The following XKR7 variants were observed in gnomAD, a reference collection of about 807,000 sequenced individuals.
XKR7 encodes the protein XK related 7.
A neutral mutation model predicts 42.2 loss-of-function variants in XKR7; 11 were observed. The ratio of observed to expected loss-of-function variants is 0.26; its 90% CI spans 0.16 to 0.43. XKR7 has a LOEUF of 0.43. XKR7 is among the 20% of genes least tolerant of loss of function. The pLI is 1.00. For synonymous variants in XKR7, 346 were observed against 366.4 expected (o/e 0.94, Z 0.64); for missense variants, 710 against 802.2 (o/e 0.89, Z 1.39).
At position 31,970,985 on chromosome 20, in the gene XKR7, T is replaced by C. The variant is rs868573778; in HGVS notation, c.584+2226T>C. Among the ~76,000 whole-genome samples, 8 of 152,344 alleles carry C rather than the reference T, an allele frequency of 5.3e-5. No individual in the cohort carries two copies. The South Asian group carries it at 6.2e-4, about 12-fold the overall frequency. The stretch of plus-strand genomic sequence containing the variant: ...TCACACAGCTAGGAACTTGAAGAGC[T>C]GAGACTCCAGGCTCTCTGCCTTTAA... On this transcript the variant is annotated intron_variant, in intron 1 of 2. Transcript: ENST00000562532.
At chr20:31,978,607 A>G (rs2064496420) in intron 1 of XKR7, among the ~76,000 whole-genome samples, 1 of 152,230 alleles carries the variant, frequency 6.6e-6, no homozygotes, top group African/African-American at 2.4e-5. Flanking sequence ...ACTATCCAAT[A>G]TAGTAGCCAC....
chr20:31,983,705 G>A (rs1322907897), intron 1 of XKR7, among the ~76,000 whole-genome samples: 1 of 152,192 alleles, frequency 6.6e-6, no homozygotes, highest in African/African-American at 2.4e-5. Flanking sequence ...CTAGCAGTTT[G>A]GGAGGCCGAG....
rs1230359057 is a variant in XKR7 at position 31,998,776 on chromosome 20, C to T, written c.*1319C>T. On this transcript the variant is annotated 3_prime_UTR_variant, in exon 3 of 3. Transcript: ENST00000562532. Reference sequence around the variant, plus strand: ...CGTGACATGAATCCTGGCTCTCAGCCACTCTGCAAATGGGGCTCCCTGGAG... The same window carrying T: ...CGTGACATGAATCCTGGCTCTCAGCTACTCTGCAAATGGGGCTCCCTGGAG... 2 of 152,198 alleles carry T rather than the reference C, an allele frequency of 1.3e-5. No individual in the cohort carries two copies. The highest frequency in any genetic ancestry group is 3.8e-4 in the East Asian group (2 of 5,198). The allele number at this position is 152,198 out of a possible 1,614,324, so 9.4% of individuals were successfully genotyped here. A position where few individuals can be genotyped will look rare whatever the true frequency, so the allele number is the denominator to read the frequency against.
At chr20:31,991,902 A>C (rs1236825077) in intron 1 of XKR7, among the ~76,000 whole-genome samples, 1 of 152,030 alleles carries the variant, frequency 6.6e-6, no homozygotes, top group African/African-American at 2.4e-5. Context: ...TGGATCACCT[A>C]AGGTCAGGAG....
In XKR7 at chr20:31,968,583, A is replaced by C. The variant is rs1264166306; in HGVS notation, c.408A>C (p.Gly136=). The part of the protein sequence containing the change: ...AVSTKDSVAG[G]AAISTKDSAG... ...GCACCAAGGACAGCGTAGCCGGCGG[A>C]GCCGCCATCAGCACCAAGGACAGCG... Residue 136 remains glycine, a synonymous_variant, in exon 1 of 3, where the codon GGA becomes GGC. Coordinates refer to ENST00000562532, the MANE Select transcript of XKR7 (RefSeq NM_001011718.2). The surrounding 1 kb of genome is among the most constrained non-coding windows in gnomAD (Gnocchi z 4.5). 1 of 1,609,024 alleles carries C rather than the reference A, an allele frequency of 6.2e-7. No homozygotes were observed. Among genetic ancestry groups the C allele is most frequent in the Non-Finnish European group, 8.5e-7 (1 of 1,178,938 alleles).
Position 31,999,511 on chromosome 20 carries a change from G to A in XKR7, c.*2054G>A, listed in dbSNP as rs1380572547. 1.3e-5 allele frequency: 2 copies of A among 152,172 alleles called. No individual in the cohort carries two copies. The highest frequency in any genetic ancestry group is 2.9e-5 in the Non-Finnish European group (2 of 68,040). The allele number at this position is 152,172 out of a possible 1,614,324, so 9.4% of individuals were successfully genotyped here. A position where few individuals can be genotyped will look rare whatever the true frequency, so the allele number is the denominator to read the frequency against. ...CAGGAACGAGGCCTCGAGGGTGACG[G>A]GAGGTGGGAGAAGCCCAAGGCTGAC... On this transcript the variant is annotated 3_prime_UTR_variant, in exon 3 of 3. Transcript: ENST00000562532.
intron 1 of XKR7, among the ~76,000 whole-genome samples, chr20:31,982,350 G>C (rs2122262067): frequency 6.6e-6 from 1 of 152,110 alleles, no homozygotes; most frequent in East Asian, 1.9e-4. Flanking sequence ...GCGAAACCCT[G>C]TCTCTACTAA....
At chr20:31,982,783 A>G (rs1478203855) in intron 1 of XKR7, among the ~76,000 whole-genome samples, 1 of 152,208 alleles carries the variant, frequency 6.6e-6, no homozygotes, top group Non-Finnish European at 1.5e-5. Flanking sequence ...GGACAGGTTC[A>G]ACGAGCACCA....
chr20:31,972,400 G>T (rs1487907088), intron 1 of XKR7, among the ~76,000 whole-genome samples: 1 of 152,224 alleles, frequency 6.6e-6, no homozygotes, highest in Non-Finnish European at 1.5e-5. Context: ...TGCACAGAGA[G>T]ATTGAACTCT....
In XKR7 at chr20:31,968,646, G is replaced by C. The variant is rs751559546; in HGVS notation, c.471G>C (p.Pro157=). Residue 157 remains proline, a synonymous_variant, in exon 1 of 3, where the codon CCG becomes CCC. Coordinates refer to ENST00000562532, the MANE Select transcript of XKR7 (RefSeq NM_001011718.2). The surrounding 1 kb of genome is among the most constrained non-coding windows in gnomAD (Gnocchi z 4.5). ...AFRTKEGSPE[P]GPQPAPSSAS... is the part of the protein sequence containing the mutation. Reference sequence around the variant, plus strand: ...GGACCAAAGAAGGCAGCCCCGAGCCGGGTCCCCAGCCTGCGCCCTCCTCGG... The same window carrying C: ...GGACCAAAGAAGGCAGCCCCGAGCCCGGTCCCCAGCCTGCGCCCTCCTCGG... The C allele has an allele frequency of 4.4e-6, 7 of 1,585,096 alleles. No individual in the cohort carries two copies. The highest frequency in any genetic ancestry group is 5.1e-6 in the Non-Finnish European group (6 of 1,172,484).
intron 1 of XKR7, among the ~76,000 whole-genome samples, chr20:31,983,335 T>C (rs1187741320): frequency 2.6e-5 from 4 of 152,062 alleles, no homozygotes; most frequent in Non-Finnish European, 4.4e-5. Context: ...GTGTGTTACT[T>C]AAAAAAACAG....
rs2064612411 is a variant in XKR7 at position 31,999,197 on chromosome 20, C to T, written c.*1740C>T. 1 of 152,118 alleles carries T rather than the reference C, an allele frequency of 6.6e-6. No homozygotes were observed. The highest frequency in any genetic ancestry group is 2.1e-4 in the South Asian group (1 of 4,814). The allele number at this position is 152,118 out of a possible 1,614,324, so 9.4% of individuals were successfully genotyped here. A position where few individuals can be genotyped will look rare whatever the true frequency, so the allele number is the denominator to read the frequency against. Reference sequence around the variant, plus strand: ...GGATGCTTAGCCCTCCCTGGTTCAGCCTCTCTTGGGTTACAGATGGGAAAC... The same window carrying T: ...GGATGCTTAGCCCTCCCTGGTTCAGTCTCTCTTGGGTTACAGATGGGAAAC... On this transcript the variant is annotated 3_prime_UTR_variant, in exon 3 of 3. Transcript: ENST00000562532.
chr20:31,989,429 G>T (rs76589353), intron 1 of XKR7, among the ~76,000 whole-genome samples: 3 of 152,310 alleles, frequency 2.0e-5, no homozygotes, highest in South Asian at 4.1e-4. Context: ...CCCTTGGAAG[G>T]CTTTGAGAAG....
chr20:31,986,992 T>A (rs2064544776), intron 1 of XKR7, among the ~76,000 whole-genome samples: 1 of 117,860 alleles, frequency 8.5e-6, no homozygotes, highest in Non-Finnish European at 1.7e-5. Context: ...GCTAAACAGA[T>A]CCAGTATCCA....
chr20:31,983,016 G>A (rs1310777934), intron 1 of XKR7, among the ~76,000 whole-genome samples: 1 of 152,214 alleles, frequency 6.6e-6, no homozygotes, highest in Non-Finnish European at 1.5e-5. Flanking sequence ...CTTGTCTGGG[G>A]CTACATAGTC....
chr20:31,984,998 C>T (rs539444320), intron 1 of XKR7, among the ~76,000 whole-genome samples: 6 of 152,258 alleles, frequency 3.9e-5, no homozygotes, highest in African/African-American at 7.2e-5. Context: ...GGGATGGATA[C>T]GTTCATATGT....
intron 1 of XKR7, among the ~76,000 whole-genome samples, chr20:31,980,355 G>A (rs2064506397): frequency 1.3e-5 from 2 of 152,220 alleles, no homozygotes; most frequent in Non-Finnish European, 2.9e-5. Context: ...CAGATGGGGA[G>A]GGGGCCTCAG....
intron 1 of XKR7, among the ~76,000 whole-genome samples, chr20:31,981,261 T>C (rs943447916): frequency 6.6e-6 from 1 of 150,904 alleles, no homozygotes; most frequent in African/African-American, 2.4e-5. Context: ...AAGTCCCAGC[T>C]ACTTGGGATG....
intron 1 of XKR7, among the ~76,000 whole-genome samples, chr20:31,972,637 T>A (rs1313637090): frequency 6.6e-6 from 1 of 152,206 alleles, no homozygotes; most frequent in Non-Finnish European, 1.5e-5. Flanking sequence ...GGGCCCCAGC[T>A]TCACCCAGAT....
Sources: allele counts gnomAD v4.1 joint callset (sites outside exome capture counted in the v4.1 genomes callset), GRCh38; gene constraint gnomAD v4.1.1; non-coding constraint Gnocchi (gnomAD v3.1); transcripts MANE v1.5; gene names NCBI Gene and HGNC (gene_info 2026-07-23, HGNC 2026-07-21).